DAPK2: variants seen among roughly 807,000 people sequenced by gnomAD.
DAPK2 encodes the protein death associated protein kinase 2, also known as death-associated protein kinase 2.
Under a neutral mutation model 44.1 loss-of-function variants are expected in DAPK2, and 35 were observed. The ratio of observed to expected loss-of-function variants is 0.79; its 90% CI spans 0.61 to 1.05. The LOEUF (loss-of-function observed/expected upper bound fraction) is 1.05, where lower values mean the gene tolerates loss of function less well. DAPK2 is among the 50% of genes least tolerant of loss of function. The probability of loss-of-function intolerance (pLI) is 0.00; values close to 1 mark genes in which losing one functional copy is unlikely to be tolerated. For missense variants in DAPK2, 453 were observed against 483.2 expected, an observed-to-expected ratio of 0.94 and a Z score of 0.59; for synonymous variants, 174 against 182.6, an observed-to-expected ratio of 0.95 and a Z score of 0.38.
At chr15:63,976,342 TATAAA>T (rs1290000314) in intron 2 of DAPK2, among the ~76,000 whole-genome samples, 1 of 152,228 alleles carries the variant, frequency 6.6e-6, no homozygotes, top group Non-Finnish European at 1.5e-5. Context: ...ACTGAAGTGG[TATAAA>T]ATATTTTCCA....
intron 1 of DAPK2, among the ~76,000 whole-genome samples, chr15:63,999,340 T>C (rs1319204643): frequency 1.3e-5 from 2 of 152,182 alleles, no homozygotes; most frequent in Non-Finnish European, 2.9e-5. Context: ...AGGACAGTTC[T>C]GCCCCCACAG....
At chr15:63,964,915 T>C (rs2078011997) in intron 3 of DAPK2, among the ~76,000 whole-genome samples, 1 of 152,212 alleles carries the variant, frequency 6.6e-6, no homozygotes, top group African/African-American at 2.4e-5. Flanking sequence ...GTCTGAAAGG[T>C]CACATGTCTC....
At chr15:64,042,919 C>T (rs943680947), upstream of DAPK2, among the ~76,000 whole-genome samples, 1 of 152,222 alleles carries the variant, frequency 6.6e-6, no homozygotes, top group Non-Finnish European at 1.5e-5. This position sits in a 1 kb window ranked among gnomAD's most constrained non-coding sequence, Gnocchi z 4.7. Flanking sequence ...GACAATTCTC[C>T]ACCTCTTCAA....
In DAPK2 at chr15:63,971,577, G is replaced by A. The variant is rs751637753; in HGVS notation, c.315-16C>T. The A allele has an allele frequency of 2.5e-5, 41 of 1,612,710 alleles. No individual in the cohort carries two copies. The highest frequency in any genetic ancestry group is 9.9e-5 in the South Asian group (9 of 90,976). The stretch of plus-strand genomic sequence containing the variant: ...TCCAGACACTCTGTAAAACACCAGC[G>A]GGGGGAGGGGAGGCCCAGGCCCAGT... On this transcript the variant is annotated splice_polypyrimidine_tract_variant and intron_variant, in intron 2 of 10. Coordinates refer to ENST00000261891, the Ensembl canonical transcript of DAPK2.
chr15:63,979,899 A>C (rs1156954584), intron 2 of DAPK2, among the ~76,000 whole-genome samples: 2 of 152,108 alleles, frequency 1.3e-5, no homozygotes, highest in African/African-American at 2.4e-5. Context: ...TGGGTGACAG[A>C]GCAAGACTCC....
intron 1 of DAPK2, among the ~76,000 whole-genome samples, chr15:64,010,561 T>G (rs549266187): frequency 6.6e-6 from 1 of 152,244 alleles, no homozygotes; most frequent in African/African-American, 2.4e-5. Context: ...TTCTCATCAC[T>G]CCCAAATCCC....
chr15:64,008,207 T>TATC (rs1237820814), intron 1 of DAPK2, among the ~76,000 whole-genome samples: 4 of 87,736 alleles, frequency 4.6e-5, no homozygotes, highest in African/African-American at 6.8e-5. Context: ...ATATAAATTA[T>TATC]ATCTGTTTTT....
intron 7 of DAPK2, among the ~76,000 whole-genome samples, chr15:63,925,252 G>A (rs2079209102): frequency 6.6e-6 from 1 of 152,140 alleles, no homozygotes; most frequent in African/African-American, 2.4e-5. Context: ...TCTGTACCCA[G>A]GTAAGCAACT....
rs538643249 is a variant in DAPK2 at position 63,922,261 on chromosome 15, A to G, written c.858+2555T>C. 143 of 987,660 alleles carry G rather than the reference A, an allele frequency of 1.4e-4. No individual in the cohort carries two copies. The African/African-American group carries it at 2.3e-3, about 16-fold the overall frequency. 61.2% of individuals were successfully genotyped at this position (987,660 alleles called of 1,614,324 possible). ...TGAAAAATCAATGCAAACGAAAGGC[A>G]ATATTATTTTCTCTATGCATTGTAA... is the stretch of plus-strand genomic sequence containing the variant. On this transcript the variant is annotated intron_variant, in intron 8 of 10. Transcript: ENST00000261891.
chr15:63,911,589 T>C (rs1020365639), intron 10 of DAPK2: 3 of 367,588 alleles, frequency 8.2e-6, no homozygotes, highest in African/African-American at 6.1e-5. Flanking sequence ...TTTTGGGTTA[T>C]CAGAAATACA....
chr15:63,934,297 C>G (rs2140411096), intron 4 of DAPK2, among the ~76,000 whole-genome samples: 1 of 132,096 alleles, frequency 7.6e-6, no homozygotes, highest in African/African-American at 2.8e-5. Flanking sequence ...TTGCTCGTCA[C>G]CCAGGCTGGA....
At chr15:63,969,857 G>A (rs1395730806) in intron 3 of DAPK2, among the ~76,000 whole-genome samples, 1 of 152,150 alleles carries the variant, frequency 6.6e-6, no homozygotes, top group Non-Finnish European at 1.5e-5. Context: ...GACTCATATG[G>A]GAACTGAGCT....
intron 1 of DAPK2, chr15:63,991,137 G>C: frequency 2.3e-6 from 1 of 425,892 alleles, no homozygotes; most frequent in Non-Finnish European, 4.7e-6. Context: ...AACCAAAACA[G>C]AGTGAAGAAA....
In DAPK2 at chr15:64,036,313, A is replaced by G. The variant is rs1247138241; in HGVS notation, c.92+3857T>C. On this transcript the variant is annotated intron_variant, in intron 1 of 10. Coordinates refer to ENST00000261891, the Ensembl canonical transcript of DAPK2. ...TGTGTGTGTGTGTGTGTGTGTGTAT[A>G]TATATGTATATATATATATATATAC... 2.1e-3 allele frequency among the ~76,000 whole-genome samples: 206 copies of G among 98,568 alleles called. 1 individual carries two copies. Among genetic ancestry groups the G allele is most frequent in the African/African-American group, 6.6e-3 (197 of 30,056 alleles). 64.7% of individuals were successfully genotyped at this position (98,568 alleles called of 152,430 possible).
At chr15:64,033,004 T>G (rs2080059957) in intron 1 of DAPK2, among the ~76,000 whole-genome samples, 1 of 152,118 alleles carries the variant, frequency 6.6e-6, no homozygotes, top group South Asian at 2.1e-4. Context: ...GAGAATTGCT[T>G]GAACCCAGGA....
At chr15:64,044,755 A>C (rs533602385), upstream of DAPK2, among the ~76,000 whole-genome samples, 2 of 152,174 alleles carry the variant, frequency 1.3e-5, no homozygotes, top group East Asian at 3.9e-4. Context: ...GGCCCAGCTC[A>C]CTCTGCAAAG....
intron 3 of DAPK2, 107 bp downstream of exon 4, chr15:63,971,316 G>T: frequency 1.5e-6 from 2 of 1,348,116 alleles, no homozygotes; most frequent in Non-Finnish European, 2.0e-6. Flanking sequence ...ACTGTAAGAT[G>T]AGAAAGAAGG....
chr15:64,027,096 T>C lies in DAPK2; in HGVS notation c.92+13074A>G, dbSNP rs961805303. Among the ~76,000 whole-genome samples, 8 of 151,690 alleles carry C rather than the reference T, an allele frequency of 5.3e-5. No homozygotes were observed. In the East Asian group the frequency reaches 1.2e-3, roughly 22 times the overall value. The stretch of plus-strand genomic sequence containing the variant: ...CTGTCTCTATAAAAAATATAAAACA[T>C]GAGGCCAGGTGCGGTGTGGCTCATG... On this transcript the variant is annotated intron_variant, in intron 1 of 10. Transcript: ENST00000261891.
rs11346004 is a variant in DAPK2, at chr15:63,994,586, C to CT, written c.93-10833dup. Reference sequence around the variant, plus strand: ...TCAGCACATACTGAAATCTTTTTTACTTTTTTTTTTTTTTTTTTTTTGAGA... The same window carrying CT: ...TCAGCACATACTGAAATCTTTTTTACTTTTTTTTTTTTTTTTTTTTTTGAGA... On this transcript the variant is annotated intron_variant, in intron 1 of 10. Coordinates refer to ENST00000261891, the Ensembl canonical transcript of DAPK2. Among the ~76,000 whole-genome samples, 100 of 93,250 alleles carry CT rather than the reference C, an allele frequency of 1.1e-3. 3 individuals are homozygous for CT. Among genetic ancestry groups the CT allele is most frequent in the Non-Finnish European group, 1.8e-3 (83 of 45,292 alleles). The allele number at this position is 93,250 out of a possible 152,430, so 61.2% of individuals were successfully genotyped here.
Sources: allele counts gnomAD v4.1 joint callset (sites outside exome capture counted in the v4.1 genomes callset), GRCh38; gene constraint gnomAD v4.1.1; non-coding constraint Gnocchi (gnomAD v3.1); transcripts MANE v1.5; gene names NCBI Gene and HGNC (gene_info 2026-07-23, HGNC 2026-07-21).